The following HSPA14 variants were observed in gnomAD, a reference collection of about 807,000 sequenced individuals.
HSPA14 encodes heat shock 70 kDa protein 14.
In HSPA14, 37 loss-of-function variants were observed where a neutral mutation model predicts 65.5. The observed-to-expected ratio is 0.56, with a 90% CI of 0.43 to 0.74. HSPA14 has a LOEUF of 0.74. HSPA14 is among the 30% of genes least tolerant of loss of function. The pLI, the probability that HSPA14 is intolerant of heterozygous loss-of-function variation, is 0.00. For synonymous variants in HSPA14, 203 were observed against 214.2 expected (o/e 0.95, Z 0.46); for missense variants, 564 against 607.6 (o/e 0.93, Z 0.75).
chr10:14,854,674 A>G (rs113259571), intron 9 of HSPA14, among the ~76,000 whole-genome samples: 96 of 152,332 alleles, frequency 6.3e-4, no homozygotes, highest in African/African-American at 2.1e-3. Context: ...GAAAATTTCC[A>G]AGACTGCAGT....
At chr10:14,838,896 C>T (rs917984462) in intron 1 of HSPA14, among the ~76,000 whole-genome samples, 3 of 152,240 alleles carry the variant, frequency 2.0e-5, no homozygotes, top group African/African-American at 4.8e-5. Flanking sequence ...GACGTCAGGG[C>T]CTCAGGATTC....
intron 10 of HSPA14, among the ~76,000 whole-genome samples, chr10:14,865,150 C>T (rs569580295): frequency 1.3e-5 from 2 of 152,280 alleles, no homozygotes; most frequent in South Asian, 4.1e-4. Flanking sequence ...ATATCCTTCG[C>T]CCACTTGTTG....
chr10:14,851,902 G>C (rs982657830), intron 7 of HSPA14, among the ~76,000 whole-genome samples: 1 of 152,172 alleles, frequency 6.6e-6, no homozygotes, highest in Non-Finnish European at 1.5e-5. Flanking sequence ...TGTACATCAT[G>C]AGGAAATTAT....
chr10:14,840,103 G>T lies in HSPA14; in HGVS notation c.167G>T (p.Arg56Ile). ...GTTGGATTGGCAGCAAAACAAAGTAGAATAAGAAATATTTCAAATACAGTA... is the reference window on the plus strand; with the variant it reads ...GTTGGATTGGCAGCAAAACAAAGTATAATAAGAAATATTTCAAATACAGTA... The part of the protein sequence containing the change: ...EIVGLAAKQS[R>I]IRNISNTVMK... The change falls in exon 3 of 14, where the codon AGA (arginine) becomes ATA (isoleucine). Residue 56 changes from arginine to isoleucine, a missense_variant. Transcript: ENST00000378372. 6.8e-7 allele frequency: 1 copy of T among 1,460,078 alleles called. No homozygotes were observed. The highest frequency in any genetic ancestry group is 1.6e-5 in the South Asian group (1 of 62,574). 90.4% of individuals were successfully genotyped at this position (1,460,078 alleles called of 1,614,324 possible).
intron 1 of HSPA14, among the ~76,000 whole-genome samples, chr10:14,839,049 G>A (rs949831174): frequency 6.6e-6 from 1 of 152,214 alleles, no homozygotes; most frequent in African/African-American, 2.4e-5. Flanking sequence ...GTCGAGCTGG[G>A]GCTGATGGTC....
At chr10:14,838,883 G>A (rs1473133245) in intron 1 of HSPA14, among the ~76,000 whole-genome samples, 1 of 152,244 alleles carries the variant, frequency 6.6e-6, no homozygotes, top group South Asian at 2.1e-4. Context: ...AAGGGGTCTC[G>A]CTGACGTCAG....
intron 3 of HSPA14, chr10:14,846,995 A>G (rs1052107064): frequency 1.0e-6 from 1 of 985,270 alleles, no homozygotes; most frequent in Non-Finnish European, 1.2e-6. Context: ...TTTCACTTGT[A>G]TGTAGTTGTG....
chr10:14,854,140 T>A lies in HSPA14; in HGVS notation c.750T>A (p.Asp250Glu), dbSNP rs142604812. 6.9e-6 allele frequency: 11 copies of A among 1,602,428 alleles called. No homozygotes were observed. In the African/African-American group the frequency reaches 1.5e-4, roughly 22 times the overall value. Residue 250 changes from aspartate (D) to glutamate (E), a missense_variant, in exon 9 of 14, where the codon GAT becomes GAA. Physicochemically the swap from Asp to Glu is conservative, Grantham distance 45. Coordinates refer to ENST00000378372, the MANE Select transcript of HSPA14 (RefSeq NM_016299.4). Reference protein sequence around the residue: ...ASEFQRSFKHDVRGNARAMMK... With the variant: ...ASEFQRSFKHEVRGNARAMMK... ...TTTAATTTAGATCCTTCAAACATGA[T>A]GTGAGAGGAAATGCGCGAGCCATGA...
At chr10:14,860,784 G>A (rs1832744701) in intron 10 of HSPA14, among the ~76,000 whole-genome samples, 1 of 152,124 alleles carries the variant, frequency 6.6e-6, no homozygotes, top group Non-Finnish European at 1.5e-5. Flanking sequence ...TTTGGGGAGA[G>A]GGGTCTGGGC....
At chr10:14,866,162 A>G (rs181116219) in intron 10 of HSPA14, among the ~76,000 whole-genome samples, 1 of 152,300 alleles carries the variant, frequency 6.6e-6, no homozygotes, top group Admixed American at 6.5e-5. Flanking sequence ...TGGGATCATA[A>G]AATTTTAGAG....
chr10:14,862,376 CTTT>C (rs753404160), intron 10 of HSPA14, among the ~76,000 whole-genome samples: 4 of 128,630 alleles, frequency 3.1e-5, no homozygotes, highest in Admixed American at 7.9e-5. Flanking sequence ...CTTTTCTTTT[CTTT>C]TTTTTTTTTT....
chr10:14,840,188 G>T (rs772240907), intron 3 of HSPA14, 31 bp downstream of exon 3: 1 of 1,056,494 alleles, frequency 9.5e-7, no homozygotes, highest in South Asian at 2.2e-5. Context: ...TTTAAATATG[G>T]TAATAGGAAC....
chr10:14,849,574 G>A (rs1588811095), intron 5 of HSPA14, 147 bp from the exon 6 acceptor site: 3 of 711,376 alleles, frequency 4.2e-6, no homozygotes, highest in Non-Finnish European at 7.7e-6. Context: ...AGAGCGCAGA[G>A]AAGAAAATTG....
intron 5 of HSPA14, chr10:14,849,478 A>T: frequency 1.7e-6 from 1 of 603,424 alleles, no homozygotes; most frequent in Non-Finnish European, 3.2e-6. Flanking sequence ...GATGGTTGAT[A>T]CTGAAGCCTA....
chr10:14,847,935 T>C (rs919633521), intron 3 of HSPA14, among the ~76,000 whole-genome samples: 11 of 152,236 alleles, frequency 7.2e-5, no homozygotes, highest in African/African-American at 2.7e-4. Context: ...TAGGCTCACG[T>C]ACTGACTCTG....
intron 12 of HSPA14, among the ~76,000 whole-genome samples, chr10:14,869,205 TGATGA>T (rs1832832773): frequency 2.0e-5 from 3 of 151,416 alleles, no homozygotes; most frequent in South Asian, 4.2e-4. Flanking sequence ...TGTTTATTAG[TGATGA>T]GATATTGTGT....
intron 3 of HSPA14, chr10:14,846,954 G>T: frequency 1.0e-6 from 1 of 985,390 alleles, no homozygotes; most frequent in African/African-American, 1.7e-5. Context: ...TTGTTTTTCT[G>T]TTCGGTAATC....
In HSPA14 at chr10:14,842,914, G is replaced by C. The variant is rs893336323; in HGVS notation, c.221+2757G>C. The stretch of plus-strand genomic sequence containing the variant: ...TGGCTCTAAACATTTAGCTGTGTCT[G>C]TTTGGATAGTGTCCTCTTCAGCATA... On this transcript the variant is annotated intron_variant, in intron 3 of 13. Coordinates refer to ENST00000378372, the MANE Select transcript of HSPA14 (RefSeq NM_016299.4). The surrounding 1 kb of genome is among the most constrained non-coding windows in gnomAD (Gnocchi z 5.2). 5 of 1,114,824 alleles carry C rather than the reference G, an allele frequency of 4.5e-6. No individual in the cohort carries two copies. The highest frequency in any genetic ancestry group is 4.1e-4 in the Middle Eastern group (2 of 4,924). The allele number at this position is 1,114,824 out of a possible 1,614,324, so 69.1% of individuals were successfully genotyped here.
At chr10:14,853,469 T>C (rs1010224784) in intron 8 of HSPA14, among the ~76,000 whole-genome samples, 38 of 152,230 alleles carry the variant, frequency 2.5e-4, no homozygotes, top group African/African-American at 8.9e-4. Flanking sequence ...TTATCTCCTT[T>C]AACCTCTGTG....
Sources: allele counts gnomAD v4.1 joint callset (sites outside exome capture counted in the v4.1 genomes callset), GRCh38; gene constraint gnomAD v4.1.1; non-coding constraint Gnocchi (gnomAD v3.1); transcripts MANE v1.5; gene names NCBI Gene and HGNC (gene_info 2026-07-23, HGNC 2026-07-21).